THRB: variants seen among roughly 807,000 people sequenced by gnomAD.
The protein encoded by THRB is thyroid hormone receptor beta, also known as nuclear receptor subfamily 1 group A member 2.
A neutral mutation model predicts 47.8 loss-of-function variants in THRB; 12 were observed. The ratio of observed to expected loss-of-function variants is 0.25; its 90% CI spans 0.16 to 0.41. The LOEUF is 0.41. Ranked by LOEUF, THRB falls within the 10% of genes least tolerant of loss-of-function variation. THRB has a pLI of 1.00. For missense variants in THRB, 348 were observed against 589.2 expected, an observed-to-expected ratio of 0.59 and a Z score of 4.24; for synonymous variants, 218 against 212.2, an observed-to-expected ratio of 1.03 and a Z score of -0.24.
At chr3:24,190,433 G>A in intron 4 of THRB, 99 bp from the exon 5 acceptor site, 1 of 1,471,628 alleles carries the variant, frequency 6.8e-7, no homozygotes, top group Non-Finnish European at 9.5e-7. Flanking sequence ...CAATTCTTTT[G>A]GGCTGACAGT....
chr3:24,440,484 C>T (rs1188301053), intron 1 of THRB, among the ~76,000 whole-genome samples: 1 of 152,022 alleles, frequency 6.6e-6, no homozygotes, highest in Non-Finnish European at 1.5e-5. Context: ...TACATTTCTT[C>T]AGATATGTAT....
chr3:24,161,981 G>C (rs957986950), intron 5 of THRB, among the ~76,000 whole-genome samples: 4 of 152,118 alleles, frequency 2.6e-5, no homozygotes, highest in African/African-American at 9.7e-5. Context: ...ATCCCGTGGA[G>C]GAGAGTCGCC....
At chr3:24,287,232 C>G (rs2055405614) in intron 3 of THRB, among the ~76,000 whole-genome samples, 2 of 152,134 alleles carry the variant, frequency 1.3e-5, no homozygotes, top group Admixed American at 6.5e-5. Flanking sequence ...GCTTTACCCA[C>G]TCTCCTTTAA....
chr3:24,298,757 C>A (rs1415321966), intron 2 of THRB, among the ~76,000 whole-genome samples: 2 of 152,162 alleles, frequency 1.3e-5, no homozygotes, highest in African/African-American at 4.8e-5. Flanking sequence ...GCCTTTCCCT[C>A]CATTGCTGCA....
At chr3:24,274,972 T>C (rs826238) in intron 3 of THRB, among the ~76,000 whole-genome samples, 134,460 of 152,166 alleles carry the variant, frequency 0.88, 59,835 homozygotes, top group East Asian at 0.96. Flanking sequence ...TGAGAATTTG[T>C]GCATTCATCT....
chr3:24,254,310 G>C (rs1229348426), intron 3 of THRB, among the ~76,000 whole-genome samples: 1 of 148,540 alleles, frequency 6.7e-6, no homozygotes, highest in Non-Finnish European at 1.5e-5. Context: ...CAGGAGAATG[G>C]TGTGAACCCG....
At chr3:24,426,570 A>G (rs1200755853) in intron 1 of THRB, among the ~76,000 whole-genome samples, 1 of 151,920 alleles carries the variant, frequency 6.6e-6, no homozygotes, top group African/African-American at 2.4e-5. Context: ...AAGCCATAAA[A>G]ATAGTGTACC....
At position 24,427,421 on chromosome 3, in the gene THRB, AAACCT is replaced by A. The variant is rs1347386068; in HGVS notation, c.-261+67226_-261+67230del. On this transcript the variant is annotated intron_variant, in intron 1 of 10. Transcript: ENST00000646209. ...CTGAAGTTGGATCTGTGACTGAGGT[AAACCT>A]CTCCCTTCCAGCTAGTAACCAGTTA... 5.1e-4 allele frequency among the ~76,000 whole-genome samples: 77 copies of A among 152,162 alleles called. No homozygotes were observed. The East Asian group carries it at 0.011, about 22-fold the overall frequency.
chr3:24,262,710 T>C lies in THRB; in HGVS notation c.-42-33709A>G, dbSNP rs539168273. Among the ~76,000 whole-genome samples the C allele has an allele frequency of 3.9e-5, 6 of 152,332 alleles. 1 individual carries two copies. The highest frequency in any genetic ancestry group is 1.4e-4 in the African/African-American group (6 of 41,584). On this transcript the variant is annotated intron_variant, in intron 3 of 10. Transcript: ENST00000646209. ...AATAAGATTTTGCCTAATCACCCAT[T>C]TAAATTACACCTCTCTTCCTAATCA...
chr3:24,168,137 A>G (rs1277752110), intron 5 of THRB, among the ~76,000 whole-genome samples: 1 of 152,196 alleles, frequency 6.6e-6, no homozygotes, highest in Non-Finnish European at 1.5e-5. Flanking sequence ...CCAAGTGGGA[A>G]TACTCTTTAC....
chr3:24,173,022 A>C (rs537098691), intron 5 of THRB, among the ~76,000 whole-genome samples: 11 of 152,276 alleles, frequency 7.2e-5, no homozygotes, highest in Admixed American at 5.9e-4. Flanking sequence ...AAGAGTCCAA[A>C]ATTCTTAGGT....
rs146724202 is a variant in THRB at position 24,125,386 on chromosome 3, C to T, written c.1144+2113G>A. On this transcript the variant is annotated intron_variant, in intron 10 of 10. Transcript: ENST00000646209. ...AAGGAGATATAACCAGGAAGAAAAC[C>T]GTCAGAGAAACAGCTTTCTCGTGGT... Among the ~76,000 whole-genome samples, 591 of 152,276 alleles carry T rather than the reference C, an allele frequency of 3.9e-3. 2 individuals carry two copies. Among genetic ancestry groups the T allele is most frequent in the African/African-American group, 0.014 (568 of 41,546 alleles).
intron 1 of THRB, among the ~76,000 whole-genome samples, chr3:24,338,786 T>C (rs987741406): frequency 6.6e-6 from 1 of 152,234 alleles, no homozygotes; most frequent in African/African-American, 2.4e-5. Flanking sequence ...TTATTAAAAT[T>C]GACTTGCTTA....
chr3:24,491,467 C>A (rs1698132696), intron 1 of THRB, among the ~76,000 whole-genome samples: 1 of 152,208 alleles, frequency 6.6e-6, no homozygotes, highest in Non-Finnish European at 1.5e-5. Context: ...TTCCCACCAT[C>A]ATTTGGTTCA....
At chr3:24,248,476 A>T (rs2050330307) in intron 3 of THRB, among the ~76,000 whole-genome samples, 1 of 151,654 alleles carries the variant, frequency 6.6e-6, no homozygotes, top group Non-Finnish European at 1.5e-5. Flanking sequence ...TTTTGACCCA[A>T]AAGCTGGGTG....
At chr3:24,170,999 C>A (rs1352380329) in intron 5 of THRB, among the ~76,000 whole-genome samples, 2 of 152,152 alleles carry the variant, frequency 1.3e-5, no homozygotes, top group Non-Finnish European at 1.5e-5. Flanking sequence ...AGAGATAGAG[C>A]TGTTTATTAA....
chr3:24,445,171 T>C (rs765800776), intron 1 of THRB, among the ~76,000 whole-genome samples: 3 of 152,102 alleles, frequency 2.0e-5, no homozygotes, highest in Non-Finnish European at 4.4e-5. Context: ...ACTTATTTAA[T>C]AAATGGCATT....
chr3:24,415,727 C>T (rs1395261685), intron 1 of THRB, among the ~76,000 whole-genome samples: 2 of 151,786 alleles, frequency 1.3e-5, no homozygotes, highest in Non-Finnish European at 2.9e-5. Context: ...TAAGGGATTC[C>T]AGCAGTCTGG....
intron 4 of THRB, among the ~76,000 whole-genome samples, chr3:24,218,335 TCTCTCTC>T (rs138156513): frequency 8.1e-4 from 96 of 117,904 alleles, no homozygotes; most frequent in African/African-American, 3.2e-3. Context: ...TCTCTCTCTC[TCTCTCTC>T]TTTTTTTTTT....
Sources: gnomAD v4.1 joint callset for allele counts (sites outside exome capture counted in the v4.1 genomes callset) on GRCh38, gnomAD v4.1.1 for gene constraint, MANE v1.5 for transcripts, NCBI Gene and HGNC (gene_info 2026-07-23, HGNC 2026-07-21) for gene names.